The following NELL1 variants were observed in gnomAD, a reference collection of about 807,000 sequenced individuals.
NELL1 encodes neural EGFL like 1.
Under a neutral mutation model 107.4 loss-of-function variants are expected in NELL1, and 76 were observed. That is an observed-to-expected ratio of 0.71 (90% CI 0.59 to 0.86). The LOEUF (loss-of-function observed/expected upper bound fraction) is 0.86, where lower values mean the gene tolerates loss of function less well. NELL1 is among the 40% of genes least tolerant of loss of function. The pLI is 0.00. For synonymous variants in NELL1, 353 were observed against 341.2 expected (o/e 1.03, Z -0.38); for missense variants, 1,024 against 1,005.5 (o/e 1.02, Z -0.25).
rs553441525 is a variant in NELL1 at position 21,470,428 on chromosome 11, C to A, written c.1646-63946C>A. The stretch of plus-strand genomic sequence containing the variant: ...GTATTTCACCATTCAAACATGTTTC[C>A]CAATATACTTTTTCAAAACATTTTT... On this transcript the variant is annotated intron_variant, in intron 15 of 19. Coordinates refer to ENST00000357134, the MANE Select transcript of NELL1 (RefSeq NM_006157.5). 3.9e-5 allele frequency among the ~76,000 whole-genome samples: 6 copies of A among 152,036 alleles called. No individual in the cohort carries two copies. In the South Asian group the frequency reaches 1.2e-3, roughly 32 times the overall value.
chr11:21,190,920 T>C (rs557090452), intron 13 of NELL1, among the ~76,000 whole-genome samples: 1 of 151,836 alleles, frequency 6.6e-6, no homozygotes, highest in East Asian at 1.9e-4. Flanking sequence ...AGTTCTGAGA[T>C]GGTGCTTTCT....
chr11:21,326,157 ATTT>A (rs56685923), intron 14 of NELL1, among the ~76,000 whole-genome samples: 5 of 131,374 alleles, frequency 3.8e-5, no homozygotes, highest in South Asian at 2.4e-4. Context: ...CCATTTTGCT[ATTT>A]TTTTTTTTCT....
Position 21,378,133 on chromosome 11 carries a change from T to G in NELL1, c.1645+7185T>G, listed in dbSNP as rs1378514560. Among the ~76,000 whole-genome samples, 3 of 151,900 alleles carry G rather than the reference T, an allele frequency of 2.0e-5. 1 individual carries two copies. Among genetic ancestry groups the G allele is most frequent in the African/African-American group, 4.8e-5 (2 of 41,394 alleles). On this transcript the variant is annotated intron_variant, in intron 15 of 19. Transcript: ENST00000357134. ...AATTAAATAAAGCTTTTAAAAAGTCTCTAGTAAAATTAAGGAAAAATTCTC... is the reference window on the plus strand; with the variant it reads ...AATTAAATAAAGCTTTTAAAAAGTCGCTAGTAAAATTAAGGAAAAATTCTC...
At chr11:21,436,408 T>C (rs1286746176) in intron 15 of NELL1, among the ~76,000 whole-genome samples, 1 of 152,166 alleles carries the variant, frequency 6.6e-6, no homozygotes, top group East Asian at 1.9e-4. Flanking sequence ...ATATTCCCCA[T>C]AGGTTTTCTA....
rs199699473 is a variant in NELL1 at position 21,437,802 on chromosome 11, G to A, written c.1645+66854G>A. On this transcript the variant is annotated intron_variant, in intron 15 of 19. Transcript: ENST00000357134. ...CAGTCTATACTTACAAGTGAAGTGA[G>A]TTTCTTGTAGGCAGCATATTTGGGT... Among the ~76,000 whole-genome samples, 70 of 152,276 alleles carry A rather than the reference G, an allele frequency of 4.6e-4. No homozygotes were observed. In the East Asian group the frequency reaches 0.013, roughly 28 times the overall value.
At chr11:21,173,290 G>A (rs559997373) in intron 13 of NELL1, among the ~76,000 whole-genome samples, 93 of 151,592 alleles carry the variant, frequency 6.1e-4, no homozygotes, top group Non-Finnish European at 1.2e-3. Context: ...GAGGGAAGAG[G>A]CAAATTATAG....
intron 11 of NELL1, among the ~76,000 whole-genome samples, chr11:20,958,380 T>C (rs911453444): frequency 3.9e-5 from 6 of 152,046 alleles, no homozygotes; most frequent in African/African-American, 9.7e-5. Flanking sequence ...GCCACCGCAC[T>C]CCAACCTGGG....
intron 7 of NELL1, among the ~76,000 whole-genome samples, chr11:20,923,802 A>C (rs1850432142): frequency 6.6e-6 from 1 of 152,222 alleles, no homozygotes; most frequent in Admixed American, 6.5e-5. Context: ...TGTTTTGAGG[A>C]ATTCAATAAT....
At chr11:21,526,040 A>G (rs1407035967) in intron 15 of NELL1, among the ~76,000 whole-genome samples, 1 of 152,188 alleles carries the variant, frequency 6.6e-6, no homozygotes, top group Non-Finnish European at 1.5e-5. Context: ...CTAAAGTCCA[A>G]AGTCTCATCT....
At chr11:20,799,290 A>G (rs1194146003) in intron 3 of NELL1, among the ~76,000 whole-genome samples, 4 of 152,190 alleles carry the variant, frequency 2.6e-5, no homozygotes. Context: ...TGCTGACAGC[A>G]ATAGCTTCCT....
At chr11:21,075,532 A>G (rs1854114551) in intron 12 of NELL1, among the ~76,000 whole-genome samples, 1 of 152,104 alleles carries the variant, frequency 6.6e-6, no homozygotes, top group African/African-American at 2.4e-5. Context: ...GTGATACACT[A>G]CAATGGTACA....
At chr11:21,171,320 A>G (rs962384494) in intron 13 of NELL1, among the ~76,000 whole-genome samples, 8 of 151,820 alleles carry the variant, frequency 5.3e-5, no homozygotes, top group Admixed American at 2.0e-4. Flanking sequence ...ATACACACAC[A>G]AAGAAGAAGA....
chr11:20,873,296 C>T (rs1403828472), intron 4 of NELL1, among the ~76,000 whole-genome samples: 1 of 152,028 alleles, frequency 6.6e-6, no homozygotes, highest in Non-Finnish European at 1.5e-5. Flanking sequence ...GCTCCCCTCT[C>T]TTCCTATAAG....
Position 21,445,219 on chromosome 11 carries a change from A to G in NELL1, c.1645+74271A>G, listed in dbSNP as rs181860205. Among the ~76,000 whole-genome samples the G allele has an allele frequency of 1.2e-3, 178 of 152,290 alleles. 1 individual carries two copies. The highest frequency in any genetic ancestry group is 3.4e-3 in the Middle Eastern group (1 of 294). On this transcript the variant is annotated intron_variant, in intron 15 of 19. Coordinates refer to ENST00000357134, the MANE Select transcript of NELL1 (RefSeq NM_006157.5). ...TTAGTAGTTTACACACCACAATAGC[A>G]GTGTTATAATATCCTGTGTTTTCCC...
At chr11:20,799,563 A>T (rs1488309665) in intron 3 of NELL1, among the ~76,000 whole-genome samples, 1 of 152,172 alleles carries the variant, frequency 6.6e-6, no homozygotes, top group Non-Finnish European at 1.5e-5. Context: ...GATTGACTTG[A>T]TTATAAATAA....
intron 14 of NELL1, among the ~76,000 whole-genome samples, chr11:21,349,472 T>C (rs1850755298): frequency 6.6e-6 from 1 of 152,146 alleles, no homozygotes. Flanking sequence ...AGAAAATGGT[T>C]TTGAAAATTC....
intron 10 of NELL1, among the ~76,000 whole-genome samples, chr11:20,947,020 A>G (rs1270724427): frequency 2.6e-5 from 4 of 152,066 alleles, no homozygotes; most frequent in Admixed American, 2.6e-4. Flanking sequence ...GAAATGTTAT[A>G]AATTAGGCCC....
At chr11:21,487,763 A>G (rs183979559) in intron 15 of NELL1, among the ~76,000 whole-genome samples, 3 of 152,298 alleles carry the variant, frequency 2.0e-5, no homozygotes, top group Admixed American at 6.5e-5. Flanking sequence ...CTATAATCCA[A>G]CTATATGCTA....
At chr11:21,490,795 A>G (rs1218256567) in intron 15 of NELL1, among the ~76,000 whole-genome samples, 4 of 152,096 alleles carry the variant, frequency 2.6e-5, no homozygotes, top group Non-Finnish European at 4.4e-5. Flanking sequence ...ATACAAAAAT[A>G]AACTCAAGAT....
Sources: allele counts gnomAD v4.1 joint callset (sites outside exome capture counted in the v4.1 genomes callset), GRCh38; gene constraint gnomAD v4.1.1; transcripts MANE v1.5; gene names NCBI Gene and HGNC (gene_info 2026-07-23, HGNC 2026-07-21).